The following PDE3A variants were observed in gnomAD, a reference collection of about 807,000 sequenced individuals.
The protein encoded by PDE3A is phosphodiesterase 3A, also known as cGMP-inhibited 3',5'-cyclic phosphodiesterase 3A.
PDE3A carries 43 observed loss-of-function variants against 98.3 expected under a neutral mutation model. The observed-to-expected ratio is 0.44, with a 90% CI of 0.34 to 0.56. The LOEUF is 0.56. Ranked by LOEUF, PDE3A falls within the 20% of genes least tolerant of loss-of-function variation. The pLI, the probability that PDE3A is intolerant of heterozygous loss-of-function variation, is 0.01. For missense variants in PDE3A, 1,427 were observed against 1,440.7 expected, an observed-to-expected ratio of 0.99 and a Z score of 0.15; for synonymous variants, 663 against 567.9, an observed-to-expected ratio of 1.17 and a Z score of -2.38.
intron 2 of PDE3A, among the ~76,000 whole-genome samples, chr12:20,557,912 C>G (rs1454681571): frequency 1.3e-5 from 2 of 152,056 alleles, no homozygotes; most frequent in Non-Finnish European, 2.9e-5. Context: ...GCTGCAAGGT[C>G]AGTAATGAAG....
At chr12:20,678,527 A>G (rs1206759152) in intron 15 of PDE3A, among the ~76,000 whole-genome samples, 1 of 152,154 alleles carries the variant, frequency 6.6e-6, no homozygotes, top group Non-Finnish European at 1.5e-5. Flanking sequence ...GAGTATATAC[A>G]AAAAGAGAAC....
intron 2 of PDE3A, among the ~76,000 whole-genome samples, chr12:20,588,018 A>G (rs1321401380): frequency 6.6e-6 from 1 of 152,218 alleles, no homozygotes. Flanking sequence ...AAAATAGAGA[A>G]AATCTTTTTT....
chr12:20,576,944 T>C (rs1260876211), intron 2 of PDE3A, among the ~76,000 whole-genome samples: 1 of 151,248 alleles, frequency 6.6e-6, no homozygotes, highest in Non-Finnish European at 1.5e-5. Context: ...TTTTTTAAAC[T>C]AAACCAGGTG....
intron 15 of PDE3A, among the ~76,000 whole-genome samples, chr12:20,656,911 T>C (rs1945056694): frequency 6.6e-6 from 1 of 152,178 alleles, no homozygotes; most frequent in African/African-American, 2.4e-5. Context: ...CAACCACATA[T>C]TCCATTTCTT....
chr12:20,598,446 T>G (rs1943516671), intron 2 of PDE3A, among the ~76,000 whole-genome samples: 1 of 152,150 alleles, frequency 6.6e-6, no homozygotes, highest in Admixed American at 6.5e-5. Flanking sequence ...CCCAAAGTAC[T>G]GGGATTACAG....
At chr12:20,639,069 G>A (rs1374824799) in intron 9 of PDE3A, among the ~76,000 whole-genome samples, 2 of 151,954 alleles carry the variant, frequency 1.3e-5, no homozygotes, top group African/African-American at 2.4e-5. Flanking sequence ...CTCCAAATGA[G>A]GATTCATACC....
intron 1 of PDE3A, among the ~76,000 whole-genome samples, chr12:20,411,762 C>T (rs375858897): frequency 6.1e-4 from 93 of 152,176 alleles, no homozygotes; most frequent in African/African-American, 2.2e-3. Context: ...CCGAGATAAC[C>T]CCATTCTTGC....
At chr12:20,422,187 A>G (rs1944527175) in intron 1 of PDE3A, among the ~76,000 whole-genome samples, 1 of 152,112 alleles carries the variant, frequency 6.6e-6, no homozygotes, top group South Asian at 2.1e-4. Context: ...TCTACTAAAA[A>G]TACAAAAAAT....
At chr12:20,573,687 G>T (rs940828819) in intron 2 of PDE3A, among the ~76,000 whole-genome samples, 2 of 151,874 alleles carry the variant, frequency 1.3e-5, no homozygotes, top group Admixed American at 1.3e-4. Context: ...TACCATATAA[G>T]GTCAAAATTC....
chr12:20,464,295 A>G (rs563847180), intron 1 of PDE3A, among the ~76,000 whole-genome samples: 1 of 152,194 alleles, frequency 6.6e-6, no homozygotes, highest in Non-Finnish European at 1.5e-5. Context: ...ATTTCAATAG[A>G]TCCACAAATT....
chr12:20,386,111 AAAT>A, intron 1 of PDE3A, among the ~76,000 whole-genome samples: 4 of 30,454 alleles, frequency 1.3e-4, no homozygotes, highest in Non-Finnish European at 1.9e-4. Context: ...ATATATATAT[AAAT>A]ATATATAAAT....
intron 1 of PDE3A, among the ~76,000 whole-genome samples, chr12:20,370,745 G>A (rs1265565198): frequency 1.3e-5 from 2 of 152,274 alleles, no homozygotes; most frequent in Non-Finnish European, 2.9e-5. Context: ...AGATTCTAGA[G>A]CAAAGCAAGC....
intron 1 of PDE3A, among the ~76,000 whole-genome samples, chr12:20,429,813 C>T (rs2120794784): frequency 6.6e-6 from 1 of 151,990 alleles, no homozygotes; most frequent in East Asian, 1.9e-4. Flanking sequence ...TATTTTGTTT[C>T]AGATACAGAA....
intron 1 of PDE3A, among the ~76,000 whole-genome samples, chr12:20,428,931 C>T (rs552360118): frequency 2.0e-5 from 3 of 152,328 alleles, no homozygotes; most frequent in South Asian, 2.1e-4. Context: ...AGGTTACCAA[C>T]ATATATGTAG....
intron 1 of PDE3A, among the ~76,000 whole-genome samples, chr12:20,553,244 T>C (rs1402804925): frequency 7.6e-6 from 1 of 131,308 alleles, no homozygotes; most frequent in Non-Finnish European, 1.6e-5. Context: ...TTTAGTTCTT[T>C]GAAAACATAA....
chr12:20,620,436 C>T (rs141278160), intron 4 of PDE3A, among the ~76,000 whole-genome samples: 5 of 152,150 alleles, frequency 3.3e-5, no homozygotes, highest in Non-Finnish European at 5.9e-5. Flanking sequence ...ACACAACTTT[C>T]GAAATTCCCT....
chr12:20,515,688 T>A (rs182056045), intron 1 of PDE3A, among the ~76,000 whole-genome samples: 2 of 150,956 alleles, frequency 1.3e-5, no homozygotes, highest in Non-Finnish European at 3.0e-5. Context: ...TGGTGTAGAA[T>A]CTCACACTGT....
Position 20,463,741 on chromosome 12 carries a change from T to C in PDE3A, c.961-92919T>C, listed in dbSNP as rs548072068. ...ACATTTTCTACTTACAAAAGTAGTA[T>C]GTACCTGCTGAGGAAAATGCAGAAA... On this transcript the variant is annotated intron_variant, in intron 1 of 15. Coordinates refer to ENST00000359062, the MANE Select transcript of PDE3A (RefSeq NM_000921.5). 4.6e-5 allele frequency among the ~76,000 whole-genome samples: 7 copies of C among 152,332 alleles called. No homozygotes were observed. The South Asian group carries it at 8.3e-4, about 18-fold the overall frequency.
intron 1 of PDE3A, among the ~76,000 whole-genome samples, chr12:20,531,560 A>G (rs1282637526): frequency 1.3e-5 from 2 of 152,170 alleles, no homozygotes; most frequent in Non-Finnish European, 1.5e-5. Flanking sequence ...GTGATAAGAC[A>G]GTAGTAGCCT....
Sources: gnomAD v4.1 joint callset for allele counts (sites outside exome capture counted in the v4.1 genomes callset) on GRCh38, gnomAD v4.1.1 for gene constraint, MANE v1.5 for transcripts, NCBI Gene and HGNC (gene_info 2026-07-23, HGNC 2026-07-21) for gene names.